Variants in SCARA3 observed in about 807,000 individuals in gnomAD.
SCARA3 encodes cellular stress response gene protein.
SCARA3 carries 39 observed loss-of-function variants against 47.0 expected under a neutral mutation model. The ratio of observed to expected loss-of-function variants is 0.83; its 90% CI spans 0.64 to 1.08. The LOEUF (loss-of-function observed/expected upper bound fraction) is 1.08, where lower values mean the gene tolerates loss of function less well. Among genes scored for constraint, SCARA3 ranks in the 50% least tolerant of loss-of-function variants. The pLI, the probability that SCARA3 is intolerant of heterozygous loss-of-function variation, is 0.00. For missense variants in SCARA3, 724 were observed against 792.3 expected, an observed-to-expected ratio of 0.91 and a Z score of 1.04; for synonymous variants, 356 against 334.1, an observed-to-expected ratio of 1.07 and a Z score of -0.71.
chr8:27,641,852 G>A (rs1801388628), intron 1 of SCARA3, among the ~76,000 whole-genome samples: 1 of 152,212 alleles, frequency 6.6e-6, no homozygotes, highest in African/African-American at 2.4e-5. Flanking sequence ...CAAGTTGATG[G>A]CAGGAGACAG....
chr8:27,733,236 A>C, the SCARA3 span: 1 of 152,258 alleles, frequency 6.6e-6, no homozygotes, highest in African/African-American at 2.4e-5. Context: ...CCACTTGCCT[A>C]AAACAAGCAG....
intron 1 of SCARA3, among the ~76,000 whole-genome samples, chr8:27,642,739 G>A (rs956299632): frequency 2.6e-5 from 4 of 152,168 alleles, no homozygotes; most frequent in East Asian, 1.9e-4. Flanking sequence ...TGGGAGGATC[G>A]TTTGAACCCG....
the SCARA3 span, among the ~76,000 whole-genome samples, chr8:27,729,076 A>C: frequency 2.0e-5 from 3 of 152,178 alleles, no homozygotes; most frequent in Non-Finnish European, 4.4e-5. Flanking sequence ...AATATATATA[A>C]CAATTCCTGT....
chr8:27,727,387 C>T, the SCARA3 span, among the ~76,000 whole-genome samples: 21 of 152,210 alleles, frequency 1.4e-4, 1 homozygote, highest in Admixed American at 7.2e-4. Context: ...TGAACCTCCG[C>T]GTGATGCGCG....
chr8:27,641,472 T>C (rs1158446697), intron 1 of SCARA3, among the ~76,000 whole-genome samples: 1 of 152,228 alleles, frequency 6.6e-6, no homozygotes, highest in Non-Finnish European at 1.5e-5. Flanking sequence ...ATGGCAGGAC[T>C]TGGCTGAAGC....
Position 27,672,165 on chromosome 8 carries a change from G to C in SCARA3, c.*814G>C, listed in dbSNP as rs34362688. 1,125 of 985,424 alleles carry C rather than the reference G, an allele frequency of 1.1e-3. 17 individuals are homozygous for C. In the African/African-American group the frequency reaches 0.019, roughly 16 times the overall value. 61.0% of individuals were successfully genotyped at this position (985,424 alleles called of 1,614,324 possible). A position where few individuals can be genotyped will look rare whatever the true frequency, so the allele number is the denominator to read the frequency against. ...GTCTGTCACAGCACAGTGGGGCCAC[G>C]AGGCTGACATTCTCTGGCCTTGCAC... On this transcript the variant is annotated 3_prime_UTR_variant, in exon 6 of 6. Coordinates refer to ENST00000301904, the MANE Select transcript of SCARA3 (RefSeq NM_016240.3).
At chr8:27,713,903 G>C in the SCARA3 span, among the ~76,000 whole-genome samples, 1 of 152,168 alleles carries the variant, frequency 6.6e-6, no homozygotes. Context: ...GGTGGGAGCT[G>C]TTGGGGTCAT....
At chr8:27,668,175 A>G (rs2128923217) in intron 5 of SCARA3, among the ~76,000 whole-genome samples, 1 of 152,318 alleles carries the variant, frequency 6.6e-6, no homozygotes, top group East Asian at 1.9e-4. Flanking sequence ...TTTCCGGGAA[A>G]GAGGAGCTGG....
chr8:27,646,971 C>T (rs1801511047), intron 1 of SCARA3, among the ~76,000 whole-genome samples: 2 of 28,436 alleles, frequency 7.0e-5, no homozygotes, highest in African/African-American at 8.6e-5. Context: ...TGACCGCCCC[C>T]GCCCCCCCCC....
At chr8:27,693,282 C>A in the SCARA3 span, among the ~76,000 whole-genome samples, 1 of 152,128 alleles carries the variant, frequency 6.6e-6, no homozygotes, top group Non-Finnish European at 1.5e-5. Flanking sequence ...TGTATGAAAC[C>A]AAACTGTAGC....
the SCARA3 span, among the ~76,000 whole-genome samples, chr8:27,707,873 TC>T: frequency 5.3e-5 from 8 of 150,782 alleles, no homozygotes; most frequent in Non-Finnish European, 1.2e-4. Flanking sequence ...AGCAAATGCA[TC>T]TAAAAATGAT....
chr8:27,657,877 G>C (rs1195269865), intron 4 of SCARA3, among the ~76,000 whole-genome samples: 1 of 152,144 alleles, frequency 6.6e-6, no homozygotes, highest in Non-Finnish European at 1.5e-5. Context: ...TTATAAGTGA[G>C]AGCATGTGGT....
At chr8:27,638,646 G>C (rs968455446) in intron 1 of SCARA3, among the ~76,000 whole-genome samples, 39 of 152,140 alleles carry the variant, frequency 2.6e-4, no homozygotes, top group African/African-American at 8.9e-4. Flanking sequence ...AAACAGCGAT[G>C]GGGCGACTGC....
rs1360963380 is a variant in SCARA3, at chr8:27,659,267, C to A, written c.1097C>A (p.Ala366Asp). Residue 366 changes from alanine (A) to aspartate (D), a missense_variant, in exon 5 of 6, where the codon GCC (alanine) becomes GAC (aspartate). Transcript: ENST00000301904. ...GGCACCATCTTCACCAACATCAATG[C>A]CACCGACAACCACGTGCACAGCATG... ...EIGTIFTNIN[A>D]TDNHVHSMLK... 2.5e-6 allele frequency: 4 copies of A among 1,614,190 alleles called. No homozygotes were observed. Among genetic ancestry groups the A allele is most frequent in the Non-Finnish European group, 3.4e-6 (4 of 1,180,046 alleles).
At chr8:27,688,030 A>C in the SCARA3 span, among the ~76,000 whole-genome samples, 2 of 152,162 alleles carry the variant, frequency 1.3e-5, no homozygotes, top group South Asian at 2.1e-4. Context: ...AAAGAAAATG[A>C]AAAGCAAGGA....
At chr8:27,707,264 T>C in the SCARA3 span, among the ~76,000 whole-genome samples, 5 of 152,184 alleles carry the variant, frequency 3.3e-5, no homozygotes, top group African/African-American at 1.2e-4. Context: ...TTGAGTGGGG[T>C]TGAAGTCCCC....
At chr8:27,634,844 G>C (rs1038030050) in intron 1 of SCARA3, among the ~76,000 whole-genome samples, 5 of 151,370 alleles carry the variant, frequency 3.3e-5, no homozygotes, top group Admixed American at 3.3e-4. Context: ...CCAGTTCTTG[G>C]GATGGAAATA....
At chr8:27,661,246 G>C (rs1356868022) in intron 5 of SCARA3, among the ~76,000 whole-genome samples, 4 of 152,150 alleles carry the variant, frequency 2.6e-5, no homozygotes, top group African/African-American at 4.8e-5. Context: ...CTTGGCACCT[G>C]TACACATCTC....
At chr8:27,676,228 G>C (rs1466084597), downstream of SCARA3, among the ~76,000 whole-genome samples, 1 of 152,184 alleles carries the variant, frequency 6.6e-6, no homozygotes, top group Non-Finnish European at 1.5e-5. Context: ...AGATTGCTGA[G>C]TTCCACAGAA....
Sources: allele counts gnomAD v4.1 joint callset (sites outside exome capture counted in the v4.1 genomes callset), GRCh38; gene constraint gnomAD v4.1.1; transcripts MANE v1.5; gene names NCBI Gene and HGNC (gene_info 2026-07-23, HGNC 2026-07-21).